GABRR3: variants seen among roughly 807,000 people sequenced by gnomAD.
The protein encoded by GABRR3 is gamma-aminobutyric acid type A receptor subunit rho3.
In GABRR3, 29 loss-of-function variants were observed where a neutral mutation model predicts 43.2. That is an observed-to-expected ratio of 0.67 (90% CI 0.50 to 0.92). The LOEUF is 0.92. GABRR3 is among the 40% of genes least tolerant of loss of function. GABRR3 has a pLI of 0.00. For synonymous variants in GABRR3, 206 were observed against 195.9 expected (o/e 1.05, Z -0.43); for missense variants, 576 against 572.3 (o/e 1.01, Z -0.07).
At chr3:98,023,599 AAC>A (rs1706978295) in intron 3 of GABRR3, among the ~76,000 whole-genome samples, 1 of 152,190 alleles carries the variant, frequency 6.6e-6, no homozygotes, top group African/African-American at 2.4e-5. Context: ...TGGCTGGGGA[AAC>A]ACAGTTGAGA....
intron 4 of GABRR3, among the ~76,000 whole-genome samples, chr3:98,015,102 G>A: frequency 6.6e-6 from 1 of 152,186 alleles, no homozygotes; most frequent in Admixed American, 6.5e-5. Context: ...GCCATCAAAT[G>A]AGTGGATTGG....
intron 4 of GABRR3, among the ~76,000 whole-genome samples, chr3:98,014,503 T>C (rs575173684): frequency 1.2e-4 from 19 of 152,340 alleles, no homozygotes; most frequent in Admixed American, 1.0e-3. Flanking sequence ...GGCAAAATCT[T>C]CTAAACCAAT....
At chr3:98,010,967 G>A (rs1049412746) in intron 5 of GABRR3, among the ~76,000 whole-genome samples, 1 of 152,044 alleles carries the variant, frequency 6.6e-6, no homozygotes, top group African/African-American at 2.4e-5. Context: ...GGGCATGGTG[G>A]CAGGCACCTG....
In GABRR3 at chr3:97,986,786, C is replaced by A. The variant is rs758094416; in HGVS notation, c.1301G>T (p.Arg434Ile). ...GACATGGTTGTTTTCCAGAATGATT[C>A]TACCAACATGTCCTCCTAGGGATTT... Residue 434 changes from arginine to isoleucine, a missense_variant, in exon 10 of 10, where the codon AGA (arginine) becomes ATA (isoleucine). Physicochemically the swap from Arg to Ile is moderately conservative, Grantham distance 97. Coordinates refer to ENST00000621172, the Ensembl canonical transcript of GABRR3. 4 of 1,610,582 alleles carry A rather than the reference C, an allele frequency of 2.5e-6. No individual in the cohort carries two copies. In the South Asian group the frequency reaches 4.4e-5, roughly 18 times the overall value.
At chr3:98,031,566 C>G (rs6768907) in intron 2 of GABRR3, among the ~76,000 whole-genome samples, 72,268 of 151,558 alleles carry the variant, frequency 0.48, 17,415 homozygotes, top group East Asian at 0.54. Flanking sequence ...GCAACATAGA[C>G]AGACCCAATC....
At chr3:98,006,532 T>G (rs543175445) in intron 7 of GABRR3, among the ~76,000 whole-genome samples, 1 of 152,278 alleles carries the variant, frequency 6.6e-6, no homozygotes, top group African/African-American at 2.4e-5. Flanking sequence ...AGATACAAAC[T>G]TGATAACTAC....
intron 9 of GABRR3, among the ~76,000 whole-genome samples, chr3:97,988,817 C>T (rs912078397): frequency 9.0e-5 from 12 of 133,440 alleles, no homozygotes; most frequent in East Asian, 8.9e-4. Context: ...TGGTGGGTGG[C>T]GGTAAGTGGT....
intron 9 of GABRR3, among the ~76,000 whole-genome samples, chr3:97,989,453 G>A (rs950019879): frequency 7.4e-5 from 11 of 148,716 alleles, no homozygotes; most frequent in Non-Finnish European, 1.6e-4. Context: ...TGGGTGGTGG[G>A]TGGTGGTGGT....
chr3:98,010,715 T>C (rs1247452144), intron 5 of GABRR3, among the ~76,000 whole-genome samples: 1 of 152,166 alleles, frequency 6.6e-6, no homozygotes, highest in Non-Finnish European at 1.5e-5. Flanking sequence ...TTAAAACAAT[T>C]GATTCTTTGT....
chr3:97,993,068 G>A lies in GABRR3; in HGVS notation c.908-20C>T, dbSNP rs1706491734. On this transcript the variant is annotated intron_variant, in intron 8 of 9. Transcript: ENST00000621172. ...TGATTCCTGCCATTTGAGAATAGTG[G>A]CAAGCTCAGTGATATAGCCATTCAT... The A allele has an allele frequency of 6.4e-6, 10 of 1,567,682 alleles. No homozygotes were observed. The highest frequency in any genetic ancestry group is 7.8e-6 in the Non-Finnish European group (9 of 1,153,478).
intron 2 of GABRR3, 41 bp from the exon 3 acceptor site, chr3:98,025,720 A>G: frequency 7.8e-7 from 1 of 1,287,906 alleles, no homozygotes; most frequent in Non-Finnish European, 1.1e-6. Flanking sequence ...TGAGATACAT[A>G]TGCTTCTGGA....
At chr3:97,993,254 T>C (rs1706495284) in intron 8 of GABRR3, among the ~76,000 whole-genome samples, 1 of 152,206 alleles carries the variant, frequency 6.6e-6, no homozygotes, top group African/African-American at 2.4e-5. Flanking sequence ...TTCTTGCCCT[T>C]ACCCTATTAT....
Position 98,001,786 on chromosome 3 carries a change from G to T in GABRR3, c.755-19C>A, listed in dbSNP as rs1202227765. 1 of 1,612,126 alleles carries T rather than the reference G, an allele frequency of 6.2e-7. No individual in the cohort carries two copies. Among genetic ancestry groups the T allele is most frequent in the Non-Finnish European group, 8.5e-7 (1 of 1,178,934 alleles). On this transcript the variant is annotated intron_variant, in intron 7 of 9. Transcript: ENST00000621172. ...TACCAACCTGTGGAAAAAAGCCAAA[G>T]TTTTCATTAGAGCAAGCTTCCCCTT...
exon 5 of GABRR3, chr3:98,012,360 C>T (rs755217153): frequency 3.1e-5 from 50 of 1,613,638 alleles, no homozygotes; most frequent in Non-Finnish European, 4.0e-5. Flanking sequence ...CTTAGGAGGA[C>T]GTTTCCATCA....
chr3:98,018,975 T>A (rs1200457138), intron 3 of GABRR3, among the ~76,000 whole-genome samples: 1 of 151,820 alleles, frequency 6.6e-6, no homozygotes, highest in East Asian at 1.9e-4. Flanking sequence ...CCAGGCGTGA[T>A]GGTGTGTGCT....
chr3:98,012,398 A>G (rs1356356438), exon 5 of GABRR3: 1 of 1,613,858 alleles, frequency 6.2e-7, no homozygotes, highest in African/African-American at 1.3e-5. Context: ...GATATTCTCC[A>G]TAGTTGTATC....
intron 4 of GABRR3, among the ~76,000 whole-genome samples, chr3:98,014,266 T>G (rs1706848757): frequency 6.6e-6 from 1 of 152,182 alleles, no homozygotes; most frequent in African/African-American, 2.4e-5. Flanking sequence ...AGATGCAAAC[T>G]GGGTCATTCA....
At chr3:97,992,179 C>T (rs534835302) in intron 9 of GABRR3, among the ~76,000 whole-genome samples, 1 of 152,218 alleles carries the variant, frequency 6.6e-6, no homozygotes, top group East Asian at 1.9e-4. Context: ...CCAGAAGGCA[C>T]CTCATTCCTA....
At chr3:97,990,865 G>T (rs1473293805) in intron 9 of GABRR3, among the ~76,000 whole-genome samples, 2 of 151,252 alleles carry the variant, frequency 1.3e-5, no homozygotes, top group Non-Finnish European at 3.0e-5. Flanking sequence ...GAGATTGGTT[G>T]CACCACAATG....
Sources: gnomAD v4.1 joint callset for allele counts (sites outside exome capture counted in the v4.1 genomes callset) on GRCh38, gnomAD v4.1.1 for gene constraint, MANE v1.5 for transcripts, NCBI Gene and HGNC (gene_info 2026-07-23, HGNC 2026-07-21) for gene names.